The following CDT1 variants were observed in gnomAD, a reference collection of about 807,000 sequenced individuals.
CDT1 encodes the protein chromatin licensing and DNA replication factor 1.
In CDT1, 66 loss-of-function variants were observed where a neutral mutation model predicts 49.3. The ratio of observed to expected loss-of-function variants is 1.34; its 90% CI spans 1.10 to 1.64. The LOEUF (loss-of-function observed/expected upper bound fraction) is 1.64. Among genes scored for constraint, CDT1 ranks in the 40% most tolerant of loss-of-function variants. The pLI, the probability that CDT1 is intolerant of heterozygous loss-of-function variation, is 0.00. For missense variants in CDT1, 958 were observed against 807.7 expected (o/e 1.19, Z -2.26); for synonymous variants, 424 against 347.4 (o/e 1.22, Z -2.45).
At chr16:88,806,976 C>G (rs1287938268) in intron 7 of CDT1, 75 bp from the exon 8 acceptor site, 8 of 1,576,234 alleles carry the variant, frequency 5.1e-6, no homozygotes, top group Non-Finnish European at 6.1e-6. Flanking sequence ...TGAGAGATAC[C>G]GGGGACTCCT....
At chr16:88,805,387 G>C in intron 3 of CDT1, 53 bp from the exon 4 acceptor site, 1 of 1,602,496 alleles carries the variant, frequency 6.2e-7, no homozygotes, top group South Asian at 1.1e-5. Context: ...CTGCTGTGGC[G>C]TTGGAGGGGT....
At chr16:88,804,099 C>T (rs1908754213) in intron 1 of CDT1, 40 bp downstream of exon 1, 2 of 1,213,046 alleles carry the variant, frequency 1.6e-6, no homozygotes, top group Non-Finnish European at 1.1e-6. Flanking sequence ...GAGTTGGGGG[C>T]GGGGAGACTG....
intron 9 of CDT1, 124 bp downstream of exon 9, chr16:88,807,606 C>A: frequency 1.0e-6 from 1 of 996,252 alleles, no homozygotes. Context: ...GCAGTGGGCG[C>A]TGGCCTCTTG....
Position 88,808,295 on chromosome 16 carries a change from G to C in CDT1, c.*17G>C. On this transcript the variant is annotated 3_prime_UTR_variant, in exon 10 of 10. Coordinates refer to ENST00000301019, the MANE Select transcript of CDT1 (RefSeq NM_030928.4). The stretch of plus-strand genomic sequence containing the variant: ...GGGCTGTGAGCCTGGGGGCCACTGT[G>C]GACAGACGTGGGCTTCAGAAGCTCG... 1 of 1,567,500 alleles carries C rather than the reference G, an allele frequency of 6.4e-7. No individual in the cohort carries two copies. Among genetic ancestry groups the C allele is most frequent in the Admixed American group, 1.9e-5 (1 of 53,202 alleles).
chr16:88,808,103 C>G lies in CDT1; in HGVS notation c.1478-12C>G. 2.5e-6 allele frequency: 4 copies of G among 1,611,534 alleles called. No homozygotes were observed. The highest frequency in any genetic ancestry group is 3.4e-6 in the Non-Finnish European group (4 of 1,179,426). ...CCAGCACCAGCCTCAGTGTCCTCCT[C>G]TCCTCCCCCAGGGGAAATGGAGAAG... is the stretch of plus-strand genomic sequence containing the variant. On this transcript the variant is annotated splice_polypyrimidine_tract_variant and intron_variant, in intron 9 of 9. Transcript: ENST00000301019.
At position 88,806,535 on chromosome 16, in the gene CDT1, T is replaced by A; in HGVS notation, c.983T>A (p.Leu328Gln). 1.2e-6 allele frequency: 2 copies of A among 1,610,708 alleles called. No homozygotes were observed. Among genetic ancestry groups the A allele is most frequent in the South Asian group, 2.2e-5 (2 of 90,636 alleles). Reference protein sequence around the residue: ...SPAMVVPEDQLTRWHPRFNVD... With the variant: ...SPAMVVPEDQQTRWHPRFNVD... ...GCCATGGTGGTGCCGGAGGACCAGC[T>A]GACCCGCTGGCACCCGCGCTTCAAC... Residue 328 changes from leucine to glutamine, a missense_variant, in exon 7 of 10, where the codon CTG becomes CAG. By Grantham distance (113) the Leu-to-Gln change is moderately radical. Coordinates refer to ENST00000301019, the MANE Select transcript of CDT1 (RefSeq NM_030928.4).
intron 1 of CDT1, 150 bp downstream of exon 1, chr16:88,804,209 G>A: frequency 1.5e-6 from 1 of 675,688 alleles, no homozygotes; most frequent in Non-Finnish European, 2.3e-6. Flanking sequence ...ACAGGCCGGG[G>A]GATCCTGGGG....
intron 7 of CDT1, 85 bp from the exon 8 acceptor site, chr16:88,806,966 T>G: frequency 7.1e-6 from 11 of 1,551,602 alleles, no homozygotes; most frequent in Non-Finnish European, 8.9e-6. Flanking sequence ...ACTTGTGCCT[T>G]GAGAGATACC....
rs1172079684 is a variant in CDT1, at chr16:88,807,619, C to G, written c.1477+137C>G. On this transcript the variant is annotated intron_variant, in intron 9 of 9. Coordinates refer to ENST00000301019, the MANE Select transcript of CDT1 (RefSeq NM_030928.4). ...GTGCAGTGGGCGCTGGCCTCTTGCA[C>G]TGGTGTGTCCTGGGCGCTCTGCCCT... The G allele has an allele frequency of 7.9e-6, 7 of 883,248 alleles. No individual in the cohort carries two copies. In the East Asian group the frequency reaches 1.6e-4, roughly 20 times the overall value. The allele number at this position is 883,248 out of a possible 1,614,324, so 54.7% of individuals were successfully genotyped here.
In CDT1 at chr16:88,808,876, G is replaced by A. The variant is rs1225132131; in HGVS notation, c.*598G>A. 3.1e-5 allele frequency: 5 copies of A among 159,880 alleles called. No individual in the cohort carries two copies. The highest frequency in any genetic ancestry group is 1.8e-4 in the East Asian group (1 of 5,426). 9.9% of individuals were successfully genotyped at this position (159,880 alleles called of 1,614,324 possible). A position where few individuals can be genotyped will look rare whatever the true frequency, so the allele number is the denominator to read the frequency against. On this transcript the variant is annotated 3_prime_UTR_variant, in exon 10 of 10. Coordinates refer to ENST00000301019, the MANE Select transcript of CDT1 (RefSeq NM_030928.4). ...CCGGGTGTGGTGGTGGGCACCTGTC[G>A]TCCCAGCTACTAGGGAGGCTGAGGC...
intron 7 of CDT1, 145 bp from the exon 8 acceptor site, chr16:88,806,906 A>G: frequency 8.1e-7 from 1 of 1,230,682 alleles, no homozygotes; most frequent in Non-Finnish European, 1.2e-6. Context: ...GCGATGCTGC[A>G]CACTGGGACA....
intron 6 of CDT1, 85 bp downstream of exon 6, chr16:88,806,206 C>T: frequency 8.0e-7 from 1 of 1,246,554 alleles, no homozygotes; most frequent in Middle Eastern, 1.8e-4. Flanking sequence ...GCATCCCTGC[C>T]ACTCACAGCT....
At position 88,804,589 on chromosome 16, in the gene CDT1, C is replaced by T. The variant is rs1567500720; in HGVS notation, c.273C>T (p.Cys91=). The T allele has an allele frequency of 1.9e-6, 3 of 1,613,074 alleles. No homozygotes were observed. The highest frequency in any genetic ancestry group is 4.5e-5 in the East Asian group (2 of 44,882). ...CCGAGGCCCCAGACATCCCAGCCTG[C>T]CCTTCTCCGGGCCAGAAGATAAAGA... The part of the protein sequence containing the change: ...STPEAPDIPA[C]PSPGQKIKKS... The change falls in exon 2 of 10, where the codon TGC becomes TGT. Residue 91 remains cysteine (C), a synonymous_variant. Coordinates refer to ENST00000301019, the MANE Select transcript of CDT1 (RefSeq NM_030928.4).
chr16:88,807,703 A>G (rs952377082), intron 9 of CDT1, among the ~76,000 whole-genome samples: 1 of 152,136 alleles, frequency 6.6e-6, no homozygotes, highest in Non-Finnish European at 1.5e-5. Flanking sequence ...CTCTGGAGGC[A>G]GCTTCCCCCT....
rs751046700 is a variant in CDT1, at chr16:88,804,865, C to A, written c.455C>A (p.Thr152Asn). 3.1e-6 allele frequency: 5 copies of A among 1,603,450 alleles called. No homozygotes were observed. Among genetic ancestry groups the A allele is most frequent in the Non-Finnish European group, 3.4e-6 (4 of 1,176,546 alleles). Residue 152 changes from threonine (T) to asparagine (N), a missense_variant, in exon 3 of 10, where the codon ACC becomes AAC. Physicochemically the swap from Thr to Asn is moderately conservative, Grantham distance 65 (BLOSUM62 0). Transcript: ENST00000301019. ...GCCCAGGATGCTGGGGAGTCCTGCA[C>A]CCCAGAGGCCGAGGGCCGCCCTGAG... ...ASAQDAGESC[T>N]PEAEGRPEEP... is the part of the protein sequence containing the mutation.
At chr16:88,804,718 TG>T in intron 2 of CDT1, 43 bp from the exon 3 acceptor site, 1 of 1,611,896 alleles carries the variant, frequency 6.2e-7, no homozygotes, top group Non-Finnish European at 8.5e-7. Context: ...GGTGCCGGCC[TG>T]CCTGCCTGCC....
At chr16:88,807,877 C>T (rs933937269) in intron 9 of CDT1, among the ~76,000 whole-genome samples, 1 of 152,234 alleles carries the variant, frequency 6.6e-6, no homozygotes, top group Admixed American at 6.5e-5. Context: ...GGCTGGCGGC[C>T]TCCATGCTCG....
At chr16:88,806,452 T>A in intron 6 of CDT1, 34 bp from the exon 7 acceptor site, 1 of 1,603,550 alleles carries the variant, frequency 6.2e-7, no homozygotes, top group South Asian at 1.1e-5. Context: ...GTCTCAGATG[T>A]GCCCAGGGTC....
At position 88,808,198 on chromosome 16, in the gene CDT1, G is replaced by A. The variant is rs769331060; in HGVS notation, c.1561G>A (p.Val521Ile). 7.1e-5 allele frequency: 115 copies of A among 1,612,564 alleles called. No individual in the cohort carries two copies. Among genetic ancestry groups the A allele is most frequent in the Admixed American group, 5.0e-5 (3 of 59,946 alleles). Residue 521 changes from valine (V) to isoleucine (I), a missense_variant, in exon 10 of 10, where the codon GTC (valine) becomes ATC (isoleucine). Coordinates refer to ENST00000301019, the MANE Select transcript of CDT1 (RefSeq NM_030928.4). ...CCACCGCATCCGCACCGACACCTAC[G>A]TCAAGCTGGACAAGGCCGCGGACCT... ...SLHRIRTDTY[V>I]KLDKAADLAH...
Sources: gnomAD v4.1 joint callset for allele counts (sites outside exome capture counted in the v4.1 genomes callset) on GRCh38, gnomAD v4.1.1 for gene constraint, MANE v1.5 for transcripts, NCBI Gene and HGNC (gene_info 2026-07-23, HGNC 2026-07-21) for gene names.